MCTP2: variants seen among roughly 807,000 people sequenced by gnomAD.
MCTP2 encodes multiple C2 and transmembrane domain-containing protein 2.
A neutral mutation model predicts 111.6 loss-of-function variants in MCTP2; 132 were observed. That is an observed-to-expected ratio of 1.18 (90% CI 1.03 to 1.37). MCTP2 has a LOEUF of 1.37. Among genes scored for constraint, MCTP2 ranks in the 40% most tolerant of loss-of-function variants. MCTP2 has a pLI of 0.00. For synonymous variants in MCTP2, 395 were observed against 387.7 expected (o/e 1.02, Z -0.22); for missense variants, 1,183 against 1,067.9 (o/e 1.11, Z -1.50).
chr15:94,483,691 C>T lies in MCTP2; in HGVS notation c.*4657C>T, dbSNP rs557614452. On this transcript the variant is annotated 3_prime_UTR_variant, in exon 23 of 23. Coordinates refer to ENST00000357742, the MANE Select transcript of MCTP2 (RefSeq NM_001385001.1). Reference sequence around the variant, plus strand: ...GACATGTAGAAGGGAACAAAATACACTGGGGGCTATTGGAGGGTGAAGGGT... The same window carrying T: ...GACATGTAGAAGGGAACAAAATACATTGGGGGCTATTGGAGGGTGAAGGGT... The T allele has an allele frequency of 6.6e-6, 1 of 151,964 alleles. No individual in the cohort carries two copies. Among genetic ancestry groups the T allele is most frequent in the African/African-American group, 2.4e-5 (1 of 41,358 alleles). The allele number at this position is 151,964 out of a possible 1,614,324, so 9.4% of individuals were successfully genotyped here. A position where few individuals can be genotyped will look rare whatever the true frequency, so the allele number is the denominator to read the frequency against.
chr15:94,369,705 A>G (rs2079385556), intron 11 of MCTP2, among the ~76,000 whole-genome samples: 1 of 152,216 alleles, frequency 6.6e-6, no homozygotes, highest in African/African-American at 2.4e-5. Flanking sequence ...CTAGGTCAGA[A>G]TAATGTTGTG....
chr15:94,292,252 A>G (rs1415358814), intron 1 of MCTP2, among the ~76,000 whole-genome samples: 1 of 152,218 alleles, frequency 6.6e-6, no homozygotes, highest in Non-Finnish European at 1.5e-5. Flanking sequence ...GGGAAAAAAA[A>G]GAATATGCAT....
chr15:94,312,362 G>C (rs1323244860), intron 2 of MCTP2, among the ~76,000 whole-genome samples: 1 of 152,182 alleles, frequency 6.6e-6, no homozygotes. Flanking sequence ...ACTCACCTGG[G>C]GGTCCTTTTA....
chr15:94,481,965 G>C lies in MCTP2; in HGVS notation c.*2931G>C, dbSNP rs1288743577. On this transcript the variant is annotated 3_prime_UTR_variant, in exon 23 of 23. Coordinates refer to ENST00000357742, the MANE Select transcript of MCTP2 (RefSeq NM_001385001.1). ...TTGTGTGATATTATTTATAATCCCTGACTATGTCAATTATAAACTTTTAAA... is the reference window on the plus strand; with the variant it reads ...TTGTGTGATATTATTTATAATCCCTCACTATGTCAATTATAAACTTTTAAA... The C allele has an allele frequency of 6.6e-6, 1 of 152,042 alleles. No homozygotes were observed. The highest frequency in any genetic ancestry group is 1.5e-5 in the Non-Finnish European group (1 of 68,010). 9.4% of individuals were successfully genotyped at this position (152,042 alleles called of 1,614,324 possible).
intron 2 of MCTP2, among the ~76,000 whole-genome samples, chr15:94,300,435 G>C (rs905216032): frequency 6.6e-6 from 1 of 151,358 alleles, no homozygotes. Flanking sequence ...GCATGAACGC[G>C]GGAGGTAGAA....
At chr15:94,436,117 C>G (rs1032115027) in intron 17 of MCTP2, among the ~76,000 whole-genome samples, 2 of 152,158 alleles carry the variant, frequency 1.3e-5, no homozygotes, top group Admixed American at 1.3e-4. Context: ...TGCTTACACT[C>G]TCCTTTCAGC....
chr15:94,378,064 G>A (rs1487699081), intron 12 of MCTP2, among the ~76,000 whole-genome samples: 1 of 152,052 alleles, frequency 6.6e-6, no homozygotes, highest in African/African-American at 2.4e-5. Context: ...AAACTATTAA[G>A]GGAATGATAT....
intron 17 of MCTP2, among the ~76,000 whole-genome samples, chr15:94,424,722 G>A (rs2082795222): frequency 6.6e-6 from 1 of 152,146 alleles, no homozygotes; most frequent in Non-Finnish European, 1.5e-5. Flanking sequence ...AAAACTCTTG[G>A]CGTTATCTGA....
At chr15:94,258,025 C>T (rs916970311) in intron 1 of MCTP2, among the ~76,000 whole-genome samples, 1 of 146,086 alleles carries the variant, frequency 6.8e-6, no homozygotes, top group Non-Finnish European at 1.5e-5. Context: ...CAGCACCTGC[C>T]ACCATGTCAT....
intron 1 of MCTP2, among the ~76,000 whole-genome samples, chr15:94,281,354 T>G (rs1363941892): frequency 6.6e-6 from 1 of 152,178 alleles, no homozygotes; most frequent in Non-Finnish European, 1.5e-5. Context: ...TAGTGCACTC[T>G]GTTTTGTCTG....
chr15:94,453,864 A>G (rs540321116), intron 19 of MCTP2, among the ~76,000 whole-genome samples: 14 of 152,362 alleles, frequency 9.2e-5, no homozygotes, highest in African/African-American at 2.9e-4. Flanking sequence ...AAGAGGAAGT[A>G]TCCAAGAAAA....
chr15:94,335,025 C>T (rs539757647), intron 4 of MCTP2, among the ~76,000 whole-genome samples: 3 of 152,284 alleles, frequency 2.0e-5, no homozygotes, highest in South Asian at 4.1e-4. Context: ...GGGGACTTTC[C>T]GAAACCTTGA....
At chr15:94,382,110 G>A (rs987662248) in intron 12 of MCTP2, among the ~76,000 whole-genome samples, 3 of 152,188 alleles carry the variant, frequency 2.0e-5, no homozygotes, top group African/African-American at 4.8e-5. Context: ...CCCTTGCATC[G>A]GTCTTGAGTG....
rs968974939 is a variant in MCTP2 at position 94,280,495 on chromosome 15, C to CT, written c.-65-17696dup. 1.9e-3 allele frequency among the ~76,000 whole-genome samples: 271 copies of CT among 143,104 alleles called. 3 individuals are homozygous for CT. The highest frequency in any genetic ancestry group is 1.5e-3 in the Admixed American group (22 of 14,420). The allele number at this position is 143,104 out of a possible 152,430, so 93.9% of individuals were successfully genotyped here. A position where few individuals can be genotyped will look rare whatever the true frequency, so the allele number is the denominator to read the frequency against. ...CTGATTGTGTTGATTTGGATCTTCT[C>CT]TTTTTTTTTTCTTCATTAGTCTCAC... On this transcript the variant is annotated intron_variant, in intron 1 of 22. Coordinates refer to ENST00000357742, the MANE Select transcript of MCTP2 (RefSeq NM_001385001.1).
At chr15:94,412,923 G>A (rs1264680814) in intron 17 of MCTP2, among the ~76,000 whole-genome samples, 2 of 151,956 alleles carry the variant, frequency 1.3e-5, no homozygotes, top group Non-Finnish European at 2.9e-5. Context: ...AAAATTAGCC[G>A]ACTGTGGCCT....
intron 19 of MCTP2, 134 bp from the exon 20 acceptor site, chr15:94,458,003 T>A (rs1456630025): frequency 6.8e-6 from 4 of 587,336 alleles, no homozygotes; most frequent in Non-Finnish European, 1.2e-5. Context: ...ATATTTAAGT[T>A]GTAAAACAAT....
At chr15:94,268,444 G>A (rs2073716799) in intron 1 of MCTP2, among the ~76,000 whole-genome samples, 2 of 151,246 alleles carry the variant, frequency 1.3e-5, no homozygotes, top group Admixed American at 6.6e-5. Context: ...CACCTGCCTC[G>A]GCCTCCCAAA....
chr15:94,465,756 G>T (rs376243183), intron 20 of MCTP2, among the ~76,000 whole-genome samples: 2 of 152,064 alleles, frequency 1.3e-5, no homozygotes, highest in South Asian at 2.1e-4. Flanking sequence ...GTGTTTACTT[G>T]CTTGTTCCGT....
chr15:94,359,722 A>G (rs2060370), intron 10 of MCTP2, among the ~76,000 whole-genome samples: 68,320 of 152,020 alleles, frequency 0.45, 15,548 homozygotes, highest in Admixed American at 0.5. Flanking sequence ...GGCCCAAGGA[A>G]GTGAAATTTT....
Sources: gnomAD v4.1 joint callset for allele counts (sites outside exome capture counted in the v4.1 genomes callset) on GRCh38, gnomAD v4.1.1 for gene constraint, MANE v1.5 for transcripts, NCBI Gene and HGNC (gene_info 2026-07-23, HGNC 2026-07-21) for gene names.